Variants in ZFHX3 observed in about 807,000 individuals in gnomAD.
ZFHX3 encodes the protein zinc finger homeobox protein 3.
In ZFHX3, 42 loss-of-function variants were observed where a neutral mutation model predicts 279.1. The observed-to-expected ratio is 0.15, with a 90% CI of 0.12 to 0.19. ZFHX3 has a LOEUF of 0.19. Among genes scored for constraint, ZFHX3 ranks in the 10% least tolerant of loss-of-function variants. The pLI, the probability that ZFHX3 is intolerant of heterozygous loss-of-function variation, is 1.00. For synonymous variants in ZFHX3, 2,293 were observed against 1,957.8 expected, an observed-to-expected ratio of 1.17 and a Z score of -4.52; for missense variants, 4,981 against 4,754.0, an observed-to-expected ratio of 1.05 and a Z score of -1.40.
chr16:72,944,234 G>A (rs1042330695), intron 3 of ZFHX3, among the ~76,000 whole-genome samples: 5 of 152,116 alleles, frequency 3.3e-5, no homozygotes, highest in Admixed American at 2.0e-4. Flanking sequence ...GCAGCCAGCC[G>A]AGATCACGCC....
chr16:73,390,136 G>T (rs2016983052), intron 3 of ZFHX3, among the ~76,000 whole-genome samples: 1 of 152,000 alleles, frequency 6.6e-6, no homozygotes, highest in Non-Finnish European at 1.5e-5. Context: ...TTTATATTTT[G>T]CTTCTCCAGG....
chr16:73,816,879 G>A (rs1462013911), intron 1 of ZFHX3, among the ~76,000 whole-genome samples: 2 of 152,196 alleles, frequency 1.3e-5, no homozygotes, highest in African/African-American at 4.8e-5. Flanking sequence ...CCATTAGTGA[G>A]GGTTTCTGAG....
chr16:72,820,687 T>C (rs1167586371), intron 5 of ZFHX3, among the ~76,000 whole-genome samples: 2 of 152,302 alleles, frequency 1.3e-5, no homozygotes. Flanking sequence ...GCTATGGCCA[T>C]GGTATCTTGT....
chr16:73,619,687 G>A (rs1463838142), intron 2 of ZFHX3, among the ~76,000 whole-genome samples: 1 of 151,734 alleles, frequency 6.6e-6, no homozygotes, highest in Non-Finnish European at 1.5e-5. Context: ...AGGCTTAAAT[G>A]CAGACATTCT....
chr16:72,952,267 G>C (rs1961036072), intron 2 of ZFHX3, among the ~76,000 whole-genome samples: 1 of 152,046 alleles, frequency 6.6e-6, no homozygotes, highest in South Asian at 2.1e-4. Context: ...AAAAAGACTT[G>C]GAGAGTAATC....
At chr16:72,869,500 T>G (rs1449206590) in intron 4 of ZFHX3, among the ~76,000 whole-genome samples, 2 of 152,248 alleles carry the variant, frequency 1.3e-5, no homozygotes, top group African/African-American at 4.8e-5. Context: ...ATCTTCCTTC[T>G]TATTCTGTAA....
intron 1 of ZFHX3, among the ~76,000 whole-genome samples, chr16:73,021,716 G>A (rs563910089): frequency 9.3e-5 from 14 of 151,278 alleles, no homozygotes; most frequent in Admixed American, 4.0e-4. Flanking sequence ...CTATAATCCC[G>A]GCTACTCAGG....
intron 1 of ZFHX3, among the ~76,000 whole-genome samples, chr16:73,820,761 C>T (rs1224760937): frequency 1.3e-5 from 2 of 151,814 alleles, no homozygotes; most frequent in Non-Finnish European, 2.9e-5. Context: ...AACTGGAACA[C>T]CAACCACACT....
intron 3 of ZFHX3, among the ~76,000 whole-genome samples, chr16:72,907,252 G>A (rs1282732684): frequency 6.6e-6 from 1 of 152,172 alleles, no homozygotes; most frequent in Non-Finnish European, 1.5e-5. Flanking sequence ...AACAGCAGCA[G>A]CCAGTCTCAG....
At chr16:73,601,879 T>A (rs2052122066) in intron 2 of ZFHX3, among the ~76,000 whole-genome samples, 1 of 152,204 alleles carries the variant, frequency 6.6e-6, no homozygotes, top group African/African-American at 2.4e-5. Context: ...CATGTGAGTG[T>A]AGCAAAAGTA....
intron 2 of ZFHX3, among the ~76,000 whole-genome samples, chr16:73,512,265 T>C (rs1235706503): frequency 2.1e-5 from 1 of 48,284 alleles, no homozygotes; most frequent in East Asian, 5.7e-4. Context: ...CTGTCTCCAC[T>C]AAAATACAAA....
chr16:73,508,096 C>T (rs1018268919), intron 2 of ZFHX3, among the ~76,000 whole-genome samples: 6 of 152,126 alleles, frequency 3.9e-5, no homozygotes, highest in African/African-American at 1.2e-4. Context: ...TTGCAATCTG[C>T]GTGGCACTCC....
chr16:73,419,958 G>A (rs1182634208), intron 3 of ZFHX3: 1 of 151,496 alleles, frequency 6.6e-6, no homozygotes, highest in Non-Finnish European at 1.5e-5. Flanking sequence ...CCAGGCTGGA[G>A]TCCAGAGGCG....
chr16:72,933,809 C>CTTT lies in ZFHX3; in HGVS notation c.3216+16657_3216+16659dup, dbSNP rs1408711216. On this transcript the variant is annotated intron_variant, in intron 3 of 9. Coordinates refer to ENST00000268489, the MANE Select transcript of ZFHX3 (RefSeq NM_006885.4). ...TTATTATGAAATGTTTAGCTCACAA[C>CTTT]TTTCTTTTTTTTTTTTTTTTTTTTT... is the stretch of plus-strand genomic sequence containing the variant. Among the ~76,000 whole-genome samples the CTTT allele has an allele frequency of 3.4e-3, 390 of 114,580 alleles. 4 individuals carry two copies. The highest frequency in any genetic ancestry group is 0.011 in the African/African-American group (365 of 33,650). The allele number at this position is 114,580 out of a possible 152,430, so 75.2% of individuals were successfully genotyped here. A position where few individuals can be genotyped will look rare whatever the true frequency, so the allele number is the denominator to read the frequency against.
In ZFHX3 at chr16:72,798,585, C is replaced by T. The variant is rs746821507; in HGVS notation, c.4097G>A (p.Gly1366Glu). 3 of 1,613,988 alleles carry T rather than the reference C, an allele frequency of 1.9e-6. No individual in the cohort carries two copies. The African/African-American group carries it at 4.0e-5, about 22-fold the overall frequency. Residue 1366 changes from glycine to glutamate, a missense_variant, in exon 9 of 10, where the codon GGG (glycine) becomes GAG (glutamate). Gly to Glu is a moderately conservative substitution (Grantham distance 98). Transcript: ENST00000268489. ...AGAAGTTTTGAAAACCTGGTTGCAC[C>T]CCTTCTTCCAGCAGATGAAGCCTGA... The part of the protein sequence containing the change: ...EDSGFICWKK[G>E]CNQVFKTSAA...
chr16:73,856,362 A>G (rs1597145755), intron 1 of ZFHX3, among the ~76,000 whole-genome samples: 3 of 152,322 alleles, frequency 2.0e-5, no homozygotes, highest in South Asian at 2.1e-4. Context: ...ACAAGGTTGG[A>G]CGCAGTAACA....
rs561903654 is a variant in ZFHX3 at position 73,691,453 on chromosome 16, G to A, written c.-1607-11213C>T. ...TGAAGGAACAGAAGGTGGGACCATC[G>A]GCTTTATTTAGAATAAGACAAATAT... is the stretch of plus-strand genomic sequence containing the variant. On this transcript the variant is annotated intron_variant, in intron 1 of 17. Coordinates refer to the ZFHX3 transcript ENST00000641206. Among the ~76,000 whole-genome samples, 5 of 152,258 alleles carry A rather than the reference G, an allele frequency of 3.3e-5. No individual in the cohort carries two copies. In the South Asian group the frequency reaches 6.2e-4, roughly 19 times the overall value.
intron 2 of ZFHX3, among the ~76,000 whole-genome samples, chr16:73,591,170 G>A (rs1170350392): frequency 6.6e-6 from 1 of 150,746 alleles, no homozygotes; most frequent in East Asian, 2.0e-4. Flanking sequence ...GACCAACATG[G>A]TGAAACCCTG....
chr16:72,967,207 C>T (rs1349593978), intron 1 of ZFHX3, among the ~76,000 whole-genome samples: 1 of 152,200 alleles, frequency 6.6e-6, no homozygotes, highest in Non-Finnish European at 1.5e-5. Flanking sequence ...TGTAACCATT[C>T]TCCACAAAAT....
Sources: allele counts gnomAD v4.1 joint callset (sites outside exome capture counted in the v4.1 genomes callset), GRCh38; gene constraint gnomAD v4.1.1; transcripts MANE v1.5; gene names NCBI Gene and HGNC (gene_info 2026-07-23, HGNC 2026-07-21).